SAR1A: variants seen among roughly 807,000 people sequenced by gnomAD.
The protein encoded by SAR1A is small COPII coat GTPase SAR1A.
Under a neutral mutation model 22.6 loss-of-function variants are expected in SAR1A, and 6 were observed. The ratio of observed to expected loss-of-function variants is 0.27; its 90% CI spans 0.15 to 0.52. The LOEUF is 0.52. Ranked by LOEUF, SAR1A falls within the 20% of genes least tolerant of loss-of-function variation. The pLI, the probability that SAR1A is intolerant of heterozygous loss-of-function variation, is 0.96. For missense variants in SAR1A, 145 were observed against 245.1 expected (o/e 0.59, Z 2.73); for synonymous variants, 70 against 82.2 (o/e 0.85, Z 0.80).
intron 5 of SAR1A, among the ~76,000 whole-genome samples, chr10:70,154,273 C>T (rs1297463201): frequency 2.0e-5 from 3 of 152,220 alleles, no homozygotes; most frequent in Non-Finnish European, 4.4e-5. Context: ...CACAAACTAT[C>T]CTCAGGATGT....
chr10:70,152,635 G>T (rs1381310942), intron 6 of SAR1A, 43 bp from the exon 7 acceptor site: 2 of 1,272,430 alleles, frequency 1.6e-6, no homozygotes, highest in South Asian at 2.4e-5. Flanking sequence ...GCATCTCTGT[G>T]GTGGAAAAGA....
chr10:70,163,216 G>A (rs1228256807), intron 1 of SAR1A, among the ~76,000 whole-genome samples: 1 of 152,188 alleles, frequency 6.6e-6, no homozygotes, highest in Non-Finnish European at 1.5e-5. Flanking sequence ...TCAAGAAAAT[G>A]AAACAGCCTT....
chr10:70,165,264 C>CAA (rs34191043), intron 1 of SAR1A, among the ~76,000 whole-genome samples: 26 of 92,878 alleles, frequency 2.8e-4, no homozygotes, highest in East Asian at 6.3e-4. Flanking sequence ...GACTCCGTCT[C>CAA]AAAAAAAAAA....
intron 1 of SAR1A, among the ~76,000 whole-genome samples, chr10:70,166,295 T>C (rs1402795008): frequency 2.6e-5 from 4 of 152,220 alleles, no homozygotes; most frequent in African/African-American, 7.2e-5. Flanking sequence ...CAGCGGTTCA[T>C]TCACATTCCC....
intron 4 of SAR1A, among the ~76,000 whole-genome samples, chr10:70,160,394 A>G (rs1839453751): frequency 6.6e-6 from 1 of 152,192 alleles, no homozygotes; most frequent in Non-Finnish European, 1.5e-5. Flanking sequence ...AAGAGGCACT[A>G]AAGTATTAAA....
At chr10:70,154,082 TA>T in intron 5 of SAR1A, 113 bp from the exon 6 acceptor site, 1 of 773,704 alleles carries the variant, frequency 1.3e-6, no homozygotes, top group Non-Finnish European at 2.0e-6. Flanking sequence ...GGCATTAATG[TA>T]AAGTGAAAAT....
At chr10:70,156,287 A>G (rs769277858) in intron 5 of SAR1A, among the ~76,000 whole-genome samples, 55 of 152,248 alleles carry the variant, frequency 3.6e-4, no homozygotes, top group Non-Finnish European at 6.2e-4. Context: ...AGGACTAACC[A>G]GAAGAACTAG....
intron 1 of SAR1A, chr10:70,166,818 C>A (rs1839558310): frequency 7.7e-6 from 1 of 129,414 alleles, no homozygotes; most frequent in African/African-American, 3.0e-5. Context: ...GAGAGACCTG[C>A]ATCTCTACAA....
chr10:70,163,790 G>T, intron 1 of SAR1A: 1 of 1,242,356 alleles, frequency 8.0e-7, no homozygotes, highest in Non-Finnish European at 1.2e-6. Flanking sequence ...ACTAGGAACT[G>T]TAATGAGGTC....
chr10:70,157,704 AAT>A (rs777580008), intron 5 of SAR1A, 58 bp downstream of exon 5: 11 of 1,303,158 alleles, frequency 8.4e-6, no homozygotes, highest in Middle Eastern at 2.1e-4. Context: ...CTTAAAAAAA[AAT>A]AGAGGCCAAA....
intron 5 of SAR1A, chr10:70,157,545 C>A (rs979312538): frequency 1.6e-5 from 8 of 490,902 alleles, no homozygotes; most frequent in Non-Finnish European, 2.9e-5. Context: ...ATGATAGAAA[C>A]AACAGTTAAT....
chr10:70,157,632 C>G (rs947297321), intron 5 of SAR1A, 132 bp downstream of exon 5: 1 of 603,540 alleles, frequency 1.7e-6, no homozygotes, highest in African/African-American at 1.9e-5. Context: ...CCTCCTGCAA[C>G]TAGGTCTTTT....
At chr10:70,168,088 C>A (rs1403480216) in intron 1 of SAR1A, among the ~76,000 whole-genome samples, 1 of 152,130 alleles carries the variant, frequency 6.6e-6, no homozygotes, top group Non-Finnish European at 1.5e-5. Context: ...TAGAGCACAC[C>A]CCTCATTAAG....
At chr10:70,154,975 C>T (rs922766607) in intron 5 of SAR1A, 32 of 419,844 alleles carry the variant, frequency 7.6e-5, no homozygotes, top group South Asian at 1.8e-4. Flanking sequence ...ACATAAACAA[C>T]GGCTTTGCAT....
chr10:70,151,655 C>A lies in SAR1A; in HGVS notation c.*821G>T, dbSNP rs1016009287. On this transcript the variant is annotated 3_prime_UTR_variant, in exon 7 of 7. Transcript: ENST00000373241. Reference sequence around the variant, plus strand: ...TAACTGAAAACGAAAAAGGAAGGTGCTATAGAGAGAAATTAAATTTCACAA... The same window carrying A: ...TAACTGAAAACGAAAAAGGAAGGTGATATAGAGAGAAATTAAATTTCACAA... 2 of 152,538 alleles carry A rather than the reference C, an allele frequency of 1.3e-5. No individual in the cohort carries two copies. The highest frequency in any genetic ancestry group is 4.8e-5 in the African/African-American group (2 of 41,418). The allele number at this position is 152,538 out of a possible 1,614,324, so 9.4% of individuals were successfully genotyped here.
chr10:70,153,922 C>T lies in SAR1A; in HGVS notation c.396G>A (p.Leu132=). 6.2e-7 allele frequency: 1 copy of T among 1,604,942 alleles called. No individual in the cohort carries two copies. The highest frequency in any genetic ancestry group is 8.5e-7 in the Non-Finnish European group (1 of 1,175,834). Residue 132 remains leucine, a synonymous_variant, in exon 6 of 7, where the codon TTG becomes TTA. Transcript: ENST00000373241. ...CATCTGTTCTGTCAATTTTGTTACCCAAGATAAGGATTGGCACATTGGATA... is the reference window on the plus strand; with the variant it reads ...CATCTGTTCTGTCAATTTTGTTACCTAAGATAAGGATTGGCACATTGGATA... ...ETISNVPILI[L]GNKIDRTDAI... is the part of the protein sequence containing the mutation.
intron 5 of SAR1A, among the ~76,000 whole-genome samples, chr10:70,154,753 G>A (rs1052646560): frequency 5.3e-5 from 8 of 152,236 alleles, no homozygotes; most frequent in African/African-American, 1.9e-4. Context: ...GAGCCACCAC[G>A]CCCAGCCACA....
At chr10:70,153,279 T>C (rs79234571) in intron 6 of SAR1A, among the ~76,000 whole-genome samples, 4,420 of 152,306 alleles carry the variant, frequency 0.029, 90 homozygotes, top group East Asian at 0.058. Context: ...CTCCTTCCAA[T>C]TGAAGACAGT....
At chr10:70,156,634 T>C (rs113934696) in intron 5 of SAR1A, among the ~76,000 whole-genome samples, 2,561 of 149,174 alleles carry the variant, frequency 0.017, 74 homozygotes, top group African/African-American at 0.058. Flanking sequence ...GATTGCACCA[T>C]TGGACTCCAG....
Sources: gnomAD v4.1 joint callset for allele counts (sites outside exome capture counted in the v4.1 genomes callset) on GRCh38, gnomAD v4.1.1 for gene constraint, MANE v1.5 for transcripts, NCBI Gene and HGNC (gene_info 2026-07-23, HGNC 2026-07-21) for gene names.